The following RFWD3 variants were observed in gnomAD, a reference collection of about 807,000 sequenced individuals.
RFWD3 encodes E3 ubiquitin-protein ligase RFWD3.
In RFWD3, 65 loss-of-function variants were observed where a neutral mutation model predicts 87.7. The ratio of observed to expected loss-of-function variants is 0.74; its 90% CI spans 0.61 to 0.91. RFWD3 has a LOEUF of 0.91. RFWD3 is among the 40% of genes least tolerant of loss of function. RFWD3 has a pLI of 0.00. For missense variants in RFWD3, 1,078 were observed against 938.5 expected, an observed-to-expected ratio of 1.15 and a Z score of -1.94; for synonymous variants, 433 against 352.8, an observed-to-expected ratio of 1.23 and a Z score of -2.55.
chr16:74,634,126 C>T (rs1198267335), intron 8 of RFWD3, among the ~76,000 whole-genome samples: 3 of 152,010 alleles, frequency 2.0e-5, no homozygotes, highest in Non-Finnish European at 4.4e-5. Flanking sequence ...TGTTGAGAGA[C>T]AGAATATTTC....
rs1292887587 is a variant in RFWD3, at chr16:74,636,356, A to G, written c.1416T>C (p.Ser472=). 6.2e-7 allele frequency: 1 copy of G among 1,613,886 alleles called. No homozygotes were observed. Among genetic ancestry groups the G allele is most frequent in the Non-Finnish European group, 8.5e-7 (1 of 1,179,760 alleles). ...LVISQPSPQA[S]FLPGFGVKML... is the part of the protein sequence containing the mutation. ...TTCTAGACTCTTTACCTGGAAGAAA[A>G]GAGGCCTGAGGAGAAGGCTGTGATA... is the stretch of plus-strand genomic sequence containing the variant. Residue 472 remains serine (S), a synonymous_variant, in exon 8 of 13, where the codon TCT becomes TCC. Coordinates refer to ENST00000361070, the MANE Select transcript of RFWD3 (RefSeq NM_018124.4).
At chr16:74,662,663 T>G (rs985819243) in intron 1 of RFWD3, among the ~76,000 whole-genome samples, 3 of 152,064 alleles carry the variant, frequency 2.0e-5, no homozygotes, top group African/African-American at 7.2e-5. Context: ...AGTGCATAGG[T>G]CCCTGATGAG....
At chr16:74,643,698 C>T (rs531412304) in intron 6 of RFWD3, among the ~76,000 whole-genome samples, 1 of 105,240 alleles carries the variant, frequency 9.5e-6, no homozygotes, top group Non-Finnish European at 1.7e-5. Context: ...TTTTTTGAGA[C>T]GGAGTCTTGC....
intron 2 of RFWD3, among the ~76,000 whole-genome samples, chr16:74,659,216 C>G (rs1961238861): frequency 6.6e-6 from 1 of 152,100 alleles, no homozygotes; most frequent in African/African-American, 2.4e-5. Flanking sequence ...CTGCGTCCCC[C>G]AACAAGAATG....
intron 6 of RFWD3, among the ~76,000 whole-genome samples, chr16:74,643,137 T>G (rs1220653974): frequency 6.6e-6 from 1 of 152,066 alleles, no homozygotes; most frequent in Non-Finnish European, 1.5e-5. Context: ...CTATAGAGCT[T>G]TTTTTCTTTC....
intron 2 of RFWD3, chr16:74,660,588 A>G: frequency 4.6e-6 from 1 of 216,694 alleles, no homozygotes; most frequent in Non-Finnish European, 9.2e-6. Flanking sequence ...AAATTAATTA[A>G]TTGTGCCCCC....
Position 74,636,398 on chromosome 16 carries a change from A to G in RFWD3, c.1374T>C (p.Ala458=), listed in dbSNP as rs772156515. Residue 458 remains alanine (A), a synonymous_variant, in exon 8 of 13, where the codon GCT becomes GCC. Coordinates refer to ENST00000361070, the MANE Select transcript of RFWD3 (RefSeq NM_018124.4). ...GNCRIMAYCD[A]LSCLVISQPS... is the part of the protein sequence containing the mutation. ...GCTGTGATATCACCAGGCAGCTCAG[A>G]GCATCACAGTATGCCATGATCCGGC... 1 of 1,614,220 alleles carries G rather than the reference A, an allele frequency of 6.2e-7. No individual in the cohort carries two copies. The highest frequency in any genetic ancestry group is 2.2e-5 in the East Asian group (1 of 44,886).
At chr16:74,635,825 G>T (rs952725114) in intron 8 of RFWD3, among the ~76,000 whole-genome samples, 12 of 152,004 alleles carry the variant, frequency 7.9e-5, no homozygotes, top group African/African-American at 2.9e-4. Flanking sequence ...GAAAAGACTT[G>T]GTTTTCAACA....
intron 3 of RFWD3, among the ~76,000 whole-genome samples, chr16:74,650,232 G>C (rs536633603): frequency 3.3e-5 from 5 of 152,008 alleles, no homozygotes; most frequent in African/African-American, 1.2e-4. Flanking sequence ...TTTGTAGACT[G>C]TTCTACATTT....
chr16:74,622,739 G>A lies in RFWD3; in HGVS notation c.*1189C>T, dbSNP rs1958804854. 1 of 152,162 alleles carries A rather than the reference G, an allele frequency of 6.6e-6. No individual in the cohort carries two copies. Among genetic ancestry groups the A allele is most frequent in the Non-Finnish European group, 1.5e-5 (1 of 68,036 alleles). 9.4% of individuals were successfully genotyped at this position (152,162 alleles called of 1,614,324 possible). A position where few individuals can be genotyped will look rare whatever the true frequency, so the allele number is the denominator to read the frequency against. ...CACATCTTGAAGCATATTCTGTTGT[G>A]GAAGTGGGTTGGCAAAGTAGTCTGA... On this transcript the variant is annotated 3_prime_UTR_variant, in exon 13 of 13. Coordinates refer to ENST00000361070, the MANE Select transcript of RFWD3 (RefSeq NM_018124.4).
chr16:74,649,009 G>A lies in RFWD3; in HGVS notation c.792+123C>T. On this transcript the variant is annotated intron_variant, in intron 4 of 12. Transcript: ENST00000361070. The stretch of plus-strand genomic sequence containing the variant: ...AAGTGGGAGGATCCTTTGAGCCCAG[G>A]AGTTTGAAACTGCAGTGAGTTATGA... 5.9e-6 allele frequency: 3 copies of A among 506,940 alleles called. No homozygotes were observed. In the South Asian group the frequency reaches 7.5e-5, roughly 13 times the overall value. 31.4% of individuals were successfully genotyped at this position (506,940 alleles called of 1,614,324 possible).
chr16:74,636,320 G>T, intron 8 of RFWD3, 26 bp downstream of exon 8: 1 of 1,590,028 alleles, frequency 6.3e-7, no homozygotes. Context: ...TAAAGAACAT[G>T]AAAGCTGAGG....
In RFWD3 at chr16:74,659,464, G is replaced by A. The variant is rs540421895; in HGVS notation, c.518+1468C>T. ...ACAGACTATAGCCAAGCCTGCTGGT[G>A]CACGCCTGCAATCCCAGCTACTTAG... is the stretch of plus-strand genomic sequence containing the variant. On this transcript the variant is annotated intron_variant, in intron 2 of 12. Transcript: ENST00000361070. Among the ~76,000 whole-genome samples the A allele has an allele frequency of 3.9e-5, 6 of 152,244 alleles. No homozygotes were observed. In the South Asian group the frequency reaches 8.3e-4, roughly 21 times the overall value.
Position 74,659,611 on chromosome 16 carries a change from A to AG in RFWD3, c.518+1320_518+1321insC, listed in dbSNP as rs397795043. On this transcript the variant is annotated intron_variant, in intron 2 of 12. Transcript: ENST00000361070. ...CTCTTGTCTTAAAAACAAAAAAAAA[A>AG]CCCAGAGTAATATGCATTTGCAACT... Among the ~76,000 whole-genome samples the AG allele has an allele frequency of 1.7e-4, 25 of 151,178 alleles. No individual in the cohort carries two copies. In the East Asian group the frequency reaches 4.9e-3, roughly 30 times the overall value.
intron 5 of RFWD3, 39 bp downstream of exon 5, chr16:74,644,502 G>A (rs757647684): frequency 3.1e-6 from 5 of 1,614,044 alleles, no homozygotes; most frequent in Non-Finnish European, 4.2e-6. Flanking sequence ...GAATCTGCCT[G>A]ACTTAACATG....
chr16:74,633,137 C>T (rs1387062306), intron 8 of RFWD3, among the ~76,000 whole-genome samples: 2 of 151,846 alleles, frequency 1.3e-5, no homozygotes, highest in South Asian at 2.1e-4. Flanking sequence ...ATTAGCCAGG[C>T]GTGGTGGCAA....
chr16:74,637,968 G>C lies in RFWD3; in HGVS notation c.1082C>G (p.Ser361Cys), dbSNP rs77132945. ...DTSEQERMKS[S>C]LLKEQMLRKQ... is the part of the protein sequence containing the mutation. ...CCTTAGCATCTGTTCCTTCAGTAGGGAACTAGAGGGGGAAAGCCAGCAACA... is the reference window on the plus strand; with the variant it reads ...CCTTAGCATCTGTTCCTTCAGTAGGCAACTAGAGGGGGAAAGCCAGCAACA... The change falls in exon 7 of 13, where the codon TCC becomes TGC. Residue 361 changes from serine to cysteine, a missense_variant and splice_region_variant. Coordinates refer to ENST00000361070, the MANE Select transcript of RFWD3 (RefSeq NM_018124.4). The C allele has an allele frequency of 6.2e-7, 1 of 1,605,866 alleles. No homozygotes were observed. The highest frequency in any genetic ancestry group is 1.1e-5 in the South Asian group (1 of 90,038).
At chr16:74,625,056 C>T (rs995841010) in intron 12 of RFWD3, among the ~76,000 whole-genome samples, 1 of 151,822 alleles carries the variant, frequency 6.6e-6, no homozygotes, top group Non-Finnish European at 1.5e-5. Flanking sequence ...TAGAGCTAGC[C>T]GGGCATGGTG....
At position 74,652,027 on chromosome 16, in the gene RFWD3, G is replaced by A; in HGVS notation, c.614C>T (p.Ser205Phe). The A allele has an allele frequency of 6.2e-7, 1 of 1,614,124 alleles. No individual in the cohort carries two copies. Among genetic ancestry groups the A allele is most frequent in the Non-Finnish European group, 8.5e-7 (1 of 1,180,030 alleles). Residue 205 changes from serine (S) to phenylalanine (F), a missense_variant, in exon 3 of 13, where the codon TCT becomes TTT. Coordinates refer to ENST00000361070, the MANE Select transcript of RFWD3 (RefSeq NM_018124.4). ...ACTACTAGACACCTGCAACTCTTCA[G>A]ATACAGGATTCCTAGTCTCTGAATC... ...TYDSETRNPV[S>F]EELQVSSSSD... is the part of the protein sequence containing the mutation.
Sources: allele counts gnomAD v4.1 joint callset (sites outside exome capture counted in the v4.1 genomes callset), GRCh38; gene constraint gnomAD v4.1.1; transcripts MANE v1.5; gene names NCBI Gene and HGNC (gene_info 2026-07-23, HGNC 2026-07-21).